Variants in CCDC141 observed in about 807,000 individuals in gnomAD.
The protein encoded by CCDC141 is coiled-coil domain containing 141, also known as coiled-coil domain-containing protein 141.
Under a neutral mutation model 181.0 loss-of-function variants are expected in CCDC141, and 168 were observed. The ratio of observed to expected loss-of-function variants is 0.93; its 90% CI spans 0.82 to 1.05. The LOEUF (loss-of-function observed/expected upper bound fraction) is 1.05. Ranked by LOEUF, CCDC141 falls within the 50% of genes least tolerant of loss-of-function variation. CCDC141 has a pLI of 0.00. For missense variants in CCDC141, 1,902 were observed against 1,788.5 expected (o/e 1.06, Z -1.14); for synonymous variants, 666 against 642.3 (o/e 1.04, Z -0.56).
At chr2:178,818,508 T>C in the CCDC141 span, among the ~76,000 whole-genome samples, 1 of 152,190 alleles carries the variant, frequency 6.6e-6, no homozygotes, top group Non-Finnish European at 1.5e-5. Context: ...AACTACCACT[T>C]ATAAGTGAGA....
intron 7 of CCDC141, among the ~76,000 whole-genome samples, chr2:178,918,351 T>C (rs918492846): frequency 6.6e-6 from 1 of 152,026 alleles, no homozygotes; most frequent in Non-Finnish European, 1.5e-5. Flanking sequence ...GAGGCTGCAG[T>C]AAGCTATGAT....
At chr2:178,850,995 C>A (rs1448355437) in intron 20 of CCDC141, among the ~76,000 whole-genome samples, 4 of 152,058 alleles carry the variant, frequency 2.6e-5, no homozygotes, top group Non-Finnish European at 5.9e-5. Context: ...CACTTGAGGT[C>A]AGGAGTTCGA....
chr2:178,897,187 T>C (rs1271468328), intron 8 of CCDC141, among the ~76,000 whole-genome samples: 2 of 152,218 alleles, frequency 1.3e-5, no homozygotes, highest in African/African-American at 2.4e-5. Context: ...AAGAGCATCT[T>C]ATGTATTTGA....
intron 2 of CCDC141, among the ~76,000 whole-genome samples, chr2:179,012,919 T>C (rs2042311452): frequency 6.6e-6 from 1 of 152,142 alleles, no homozygotes; most frequent in Non-Finnish European, 1.5e-5. Context: ...CCAGCATCCC[T>C]TTATGATTAA....
chr2:178,841,821 C>T (rs866698357), intron 22 of CCDC141, among the ~76,000 whole-genome samples: 2 of 152,010 alleles, frequency 1.3e-5, no homozygotes, highest in Non-Finnish European at 2.9e-5. Flanking sequence ...TTAGTAGAGA[C>T]GGGGTTTCAC....
At chr2:178,921,038 C>A (rs1026018068) in intron 6 of CCDC141, among the ~76,000 whole-genome samples, 1 of 152,068 alleles carries the variant, frequency 6.6e-6, no homozygotes, top group Non-Finnish European at 1.5e-5. Flanking sequence ...GAGGCAGTAC[C>A]AGGACTAGTT....
At chr2:178,871,576 C>T in intron 13 of CCDC141, 24 bp from the exon 14 acceptor site, 1 of 1,607,442 alleles carries the variant, frequency 6.2e-7, no homozygotes, top group Non-Finnish European at 8.5e-7. Flanking sequence ...TGGACAGTTA[C>T]ACATGCATTT....
intron 5 of CCDC141, among the ~76,000 whole-genome samples, chr2:178,956,922 C>T (rs1052078185): frequency 2.6e-5 from 4 of 151,908 alleles, no homozygotes; most frequent in African/African-American, 7.3e-5. Context: ...TCGTGTTGCC[C>T]GGACTGGAGT....
At chr2:178,930,587 T>G (rs1472396874) in intron 6 of CCDC141, among the ~76,000 whole-genome samples, 1 of 152,162 alleles carries the variant, frequency 6.6e-6, no homozygotes, top group East Asian at 1.9e-4. Context: ...CAAAGCAGTG[T>G]GTCAAACTGG....
chr2:178,945,588 G>C (rs541917077), intron 5 of CCDC141, among the ~76,000 whole-genome samples: 1 of 152,192 alleles, frequency 6.6e-6, no homozygotes, highest in East Asian at 1.9e-4. Flanking sequence ...TGCCATGCTT[G>C]AGTTATTTAA....
chr2:178,890,899 G>A (rs909357556), intron 8 of CCDC141, among the ~76,000 whole-genome samples: 2 of 152,216 alleles, frequency 1.3e-5, no homozygotes, highest in South Asian at 4.2e-4. Flanking sequence ...ACTTTGTTAA[G>A]TGCATTAGAT....
rs1424896737 is a variant in CCDC141 at position 178,832,489 on chromosome 2, A to C, written c.*1684T>G. On this transcript the variant is annotated 3_prime_UTR_variant, in exon 24 of 24. Transcript: ENST00000443758. ...TCAAAAAAAAAAAAAAAAAACAAAA[A>C]AAACAAAAAAAAGATAGTTAAGAGA... is the stretch of plus-strand genomic sequence containing the variant. The C allele has an allele frequency of 1.1e-4, 16 of 151,040 alleles. No individual in the cohort carries two copies. Among genetic ancestry groups the C allele is most frequent in the African/African-American group, 3.9e-4 (16 of 41,162 alleles). 9.4% of individuals were successfully genotyped at this position (151,040 alleles called of 1,614,324 possible).
intron 17 of CCDC141, among the ~76,000 whole-genome samples, chr2:178,865,391 AC>A (rs1685801087): frequency 6.6e-6 from 1 of 152,100 alleles, no homozygotes; most frequent in East Asian, 1.9e-4. Context: ...GGTCAATGTC[AC>A]CCCTTCCTCT....
At chr2:179,024,135 G>T (rs1442228729) in intron 2 of CCDC141, among the ~76,000 whole-genome samples, 1 of 152,078 alleles carries the variant, frequency 6.6e-6, no homozygotes, top group Non-Finnish European at 1.5e-5. Flanking sequence ...GAAGAATAAT[G>T]ACACAAATCA....
Position 179,018,777 on chromosome 2 carries a change from G to A in CCDC141, c.225+28507C>T, listed in dbSNP as rs547691949. ...ATTCTGTAGATTACAAACTAGGCGA[G>A]AGCAAGAACAGTGTCACTCATTTTT... On this transcript the variant is annotated intron_variant, in intron 2 of 23. Coordinates refer to ENST00000443758, the MANE Select transcript of CCDC141 (RefSeq NM_173648.4). Among the ~76,000 whole-genome samples the A allele has an allele frequency of 7.9e-5, 12 of 152,232 alleles. No homozygotes were observed. The South Asian group carries it at 2.5e-3, about 32-fold the overall frequency.
At chr2:178,877,278 C>T (rs1430150256) in intron 12 of CCDC141, 1 of 151,944 alleles carries the variant, frequency 6.6e-6, no homozygotes, top group African/African-American at 2.4e-5. Flanking sequence ...ACTTTTTGTC[C>T]CTGTGTAGCT....
intron 21 of CCDC141, among the ~76,000 whole-genome samples, chr2:178,846,519 T>C (rs1013613539): frequency 1.3e-5 from 2 of 152,198 alleles, no homozygotes; most frequent in Admixed American, 6.5e-5. Context: ...TATGCAACAC[T>C]GGCTCGGAGG....
chr2:178,850,063 C>T lies in CCDC141; in HGVS notation c.3343G>A (p.Glu1115Lys), dbSNP rs747242213. 26 of 1,577,822 alleles carry T rather than the reference C, an allele frequency of 1.6e-5. 1 individual carries two copies. The South Asian group carries it at 2.2e-4, about 13-fold the overall frequency. The change falls in exon 21 of 24, where the codon GAA (glutamate) becomes AAA (lysine). Residue 1115 changes from glutamate to lysine, a missense_variant. Glu to Lys is a moderately conservative substitution (Grantham distance 56). Coordinates refer to ENST00000443758, the MANE Select transcript of CCDC141 (RefSeq NM_173648.4). ...GAAGAAATTACCTTCAGTTTTTCTT[C>T]GAGCTCTGTGAGGGACTCACATAAT... ...TELCESLTEL[E>K]EKLKQGDVLK...
At chr2:178,890,527 G>C (rs770264183) in intron 8 of CCDC141, among the ~76,000 whole-genome samples, 1 of 152,072 alleles carries the variant, frequency 6.6e-6, no homozygotes, top group Non-Finnish European at 1.5e-5. Context: ...CAAAGAATAA[G>C]ACTGTTAGCC....
Sources: allele counts gnomAD v4.1 joint callset (sites outside exome capture counted in the v4.1 genomes callset), GRCh38; gene constraint gnomAD v4.1.1; transcripts MANE v1.5; gene names NCBI Gene and HGNC (gene_info 2026-07-23, HGNC 2026-07-21).